Variants in RCOR1 observed in about 807,000 individuals in gnomAD.
The protein encoded by RCOR1 is REST corepressor 1.
In RCOR1, 12 loss-of-function variants were observed where a neutral mutation model predicts 64.0. The ratio of observed to expected loss-of-function variants is 0.19; its 90% confidence interval spans 0.12 to 0.30. The LOEUF (loss-of-function observed/expected upper bound fraction) is 0.30. Ranked by LOEUF, RCOR1 falls within the 10% of genes least tolerant of loss-of-function variation. The pLI, the probability that RCOR1 is intolerant of heterozygous loss-of-function variation, is 1.00. For missense variants in RCOR1, 502 were observed against 621.2 expected, an observed-to-expected ratio of 0.81 and a Z score of 2.04; for synonymous variants, 279 against 227.2, an observed-to-expected ratio of 1.23 and a Z score of -2.05.
chr14:102,694,389 T>TG (rs1461721619), intron 3 of RCOR1, among the ~76,000 whole-genome samples: 1 of 152,204 alleles, frequency 6.6e-6, no homozygotes, highest in Non-Finnish European at 1.5e-5. Flanking sequence ...CCCCAGTAGC[T>TG]GGGACTATAG....
chr14:102,608,403 CTTTTG>C (rs892955223), intron 2 of RCOR1, among the ~76,000 whole-genome samples: 15 of 151,934 alleles, frequency 9.9e-5, no homozygotes, highest in African/African-American at 3.6e-4. Flanking sequence ...TGCTTCATTG[CTTTTG>C]TTTTGTGTTG....
At chr14:102,678,223 G>GA (rs1484428401) in intron 2 of RCOR1, among the ~76,000 whole-genome samples, 8 of 147,572 alleles carry the variant, frequency 5.4e-5, no homozygotes, top group Non-Finnish European at 7.6e-5. Context: ...AGGGAGACGA[G>GA]AGGGAGAGGG....
At chr14:102,722,530 T>A in intron 11 of RCOR1, 114 bp downstream of exon 11, 1 of 769,898 alleles carries the variant, frequency 1.3e-6, no homozygotes, top group Non-Finnish European at 2.1e-6. Context: ...GCTGTATTAG[T>A]AACTTCACTC....
At chr14:102,679,355 C>T (rs1362613691) in intron 2 of RCOR1, among the ~76,000 whole-genome samples, 4 of 152,058 alleles carry the variant, frequency 2.6e-5, no homozygotes, top group African/African-American at 4.8e-5. Context: ...TCATTTGTTC[C>T]TGCATCATTT....
chr14:102,612,509 AT>A (rs1257552552), intron 2 of RCOR1, among the ~76,000 whole-genome samples: 1 of 150,974 alleles, frequency 6.6e-6, no homozygotes, highest in African/African-American at 2.4e-5. Flanking sequence ...TGATTTTTGT[AT>A]TTTTTGTAGG....
At chr14:102,693,006 T>C (rs1317185857) in intron 3 of RCOR1, among the ~76,000 whole-genome samples, 1 of 152,130 alleles carries the variant, frequency 6.6e-6, no homozygotes, top group African/African-American at 2.4e-5. Flanking sequence ...CCTCAAGTGA[T>C]TGACCTGCCT....
At position 102,717,967 on chromosome 14, in the gene RCOR1, C is replaced by T. The variant is rs182208324; in HGVS notation, c.1054-3040C>T. 4.3e-4 allele frequency among the ~76,000 whole-genome samples: 65 copies of T among 152,182 alleles called. 1 individual carries two copies. The highest frequency in any genetic ancestry group is 1.6e-3 in the African/African-American group (65 of 41,534). On this transcript the variant is annotated intron_variant, in intron 8 of 11. Transcript: ENST00000262241. Reference sequence around the variant, plus strand: ...TCTAGACTCAAAATGGGCAGTCAGTCCACTTGGGCCACTTGTTCTGGAGGC... The same window carrying T: ...TCTAGACTCAAAATGGGCAGTCAGTTCACTTGGGCCACTTGTTCTGGAGGC...
At chr14:102,721,229 C>A in intron 9 of RCOR1, 91 bp from the exon 10 acceptor site, 2 of 1,258,814 alleles carry the variant, frequency 1.6e-6, no homozygotes, top group Non-Finnish European at 2.3e-6. Flanking sequence ...TGTTAAAATT[C>A]CGATAAGAGA....
At chr14:102,636,514 C>T (rs1894240942) in intron 2 of RCOR1, among the ~76,000 whole-genome samples, 1 of 151,830 alleles carries the variant, frequency 6.6e-6, no homozygotes, top group Admixed American at 6.6e-5. Flanking sequence ...CTTCTGACCT[C>T]AGGCTATTTC....
At chr14:102,596,875 CTTTT>C (rs61687380) in intron 2 of RCOR1, among the ~76,000 whole-genome samples, 1 of 115,394 alleles carries the variant, frequency 8.7e-6, no homozygotes. Flanking sequence ...CTCCCCCCGC[CTTTT>C]TTTTTTTTTT....
rs145622773 is a variant in RCOR1, at chr14:102,596,009, T to G, written c.361+2684T>G. On this transcript the variant is annotated intron_variant, in intron 2 of 11. Coordinates refer to ENST00000262241, the MANE Select transcript of RCOR1 (RefSeq NM_015156.4). ...CTAGATATGGCAGAAAATTGAGACTTTACTATTTCCTAGTGGTTTTTTATG... is the reference window on the plus strand; with the variant it reads ...CTAGATATGGCAGAAAATTGAGACTGTACTATTTCCTAGTGGTTTTTTATG... 4.2e-3 allele frequency among the ~76,000 whole-genome samples: 636 copies of G among 152,312 alleles called. 2 individuals carry two copies. The highest frequency in any genetic ancestry group is 9.9e-3 in the South Asian group (48 of 4,830).
chr14:102,653,779 T>C (rs1195612995), intron 2 of RCOR1, among the ~76,000 whole-genome samples: 6 of 151,958 alleles, frequency 3.9e-5, no homozygotes, highest in Non-Finnish European at 8.8e-5. Context: ...CCCTTTGCCT[T>C]CCACCATGAT....
At position 102,592,984 on chromosome 14, in the gene RCOR1, C is replaced by CCTG. The variant is rs1412989006; in HGVS notation, c.99_100insTGC (p.Ala33_Ala34insCys). 7.8e-6 allele frequency: 9 copies of CCTG among 1,151,802 alleles called. No homozygotes were observed. Among genetic ancestry groups the CCTG allele is most frequent in the Non-Finnish European group, 9.6e-6 (9 of 938,154 alleles). 71.3% of individuals were successfully genotyped at this position (1,151,802 alleles called of 1,614,324 possible). A position where few individuals can be genotyped will look rare whatever the true frequency, so the allele number is the denominator to read the frequency against. On this transcript the variant is annotated inframe_insertion, in exon 1 of 12. Transcript: ENST00000262241. ...GCCTCCGCCGCCGCCGCCTCCGCCGCCGCCTCGGCCGCCTGCGCCTCGCCA... is the reference window on the plus strand; with the variant it reads ...GCCTCCGCCGCCGCCGCCTCCGCCGCCTGCGCCTCGGCCGCCTGCGCCTCGCCA...
At position 102,656,137 on chromosome 14, in the gene RCOR1, A is replaced by AT. The variant is rs1024745118; in HGVS notation, c.362-25750dup. On this transcript the variant is annotated intron_variant, in intron 2 of 11. Transcript: ENST00000262241. ...GAAATCACTTTGCTGAGATTTTTTT[A>AT]TTTTTTTTATTTTTTTTTTGGAGAC... 101 of 971,876 alleles carry AT rather than the reference A, an allele frequency of 1.0e-4. No individual in the cohort carries two copies. The African/African-American group carries it at 1.5e-3, about 15-fold the overall frequency. The allele number at this position is 971,876 out of a possible 1,614,324, so 60.2% of individuals were successfully genotyped here.
At chr14:102,621,423 T>A (rs1893872162) in intron 2 of RCOR1, among the ~76,000 whole-genome samples, 1 of 138,964 alleles carries the variant, frequency 7.2e-6, no homozygotes, top group Non-Finnish European at 1.5e-5. Flanking sequence ...TCACCCAAGC[T>A]GGAGTGCACT....
Position 102,726,545 on chromosome 14 carries a change from G to T in RCOR1, c.*39G>T. The stretch of plus-strand genomic sequence containing the variant: ...TTGAACACTTGGTGTGGACTACTGT[G>T]TTATCCGGGATATCAGGTATTATGA... On this transcript the variant is annotated 3_prime_UTR_variant, in exon 12 of 12. Coordinates refer to ENST00000262241, the MANE Select transcript of RCOR1 (RefSeq NM_015156.4). 1 of 1,544,114 alleles carries T rather than the reference G, an allele frequency of 6.5e-7. No homozygotes were observed.
chr14:102,603,636 T>C (rs1333353343), intron 2 of RCOR1, among the ~76,000 whole-genome samples: 1 of 152,034 alleles, frequency 6.6e-6, no homozygotes, highest in South Asian at 2.1e-4. Flanking sequence ...TTCTTTTTTT[T>C]CCCCCTTAGG....
At chr14:102,684,490 G>A (rs1182854167) in intron 3 of RCOR1, among the ~76,000 whole-genome samples, 1 of 152,080 alleles carries the variant, frequency 6.6e-6, no homozygotes, top group Admixed American at 6.6e-5. Flanking sequence ...AGTGAACAAA[G>A]TCCACTAGCG....
Position 102,593,042 on chromosome 14 carries a change from CTCAGCCTCGGCCGCCGCCGCCTCA to C in RCOR1, c.157_180del (p.Ser53_Ser60del). ...CTGCCGCCTCGGGCGCCGCCGCCTC[CTCAGCCTCGGCCGCCGCCGCCTCA>C]GCCGCCGCCGCCCCCAATAATGGCC... is the stretch of plus-strand genomic sequence containing the variant. On this transcript the variant is annotated inframe_deletion, in exon 1 of 12. Coordinates refer to ENST00000262241, the MANE Select transcript of RCOR1 (RefSeq NM_015156.4). The C allele has an allele frequency of 2.2e-6, 3 of 1,358,140 alleles. No individual in the cohort carries two copies. Among genetic ancestry groups the C allele is most frequent in the Non-Finnish European group, 2.9e-6 (3 of 1,046,280 alleles). The allele number at this position is 1,358,140 out of a possible 1,614,324, so 84.1% of individuals were successfully genotyped here.
Sources: allele counts gnomAD v4.1 joint callset (sites outside exome capture counted in the v4.1 genomes callset), GRCh38; gene constraint gnomAD v4.1.1; transcripts MANE v1.5; gene names NCBI Gene and HGNC (gene_info 2026-07-23, HGNC 2026-07-21).